Variants in BTAF1 observed in about 807,000 individuals in gnomAD.
The protein encoded by BTAF1 is TATA-binding protein-associated factor 172.
Under a neutral mutation model 227.1 loss-of-function variants are expected in BTAF1, and 38 were observed. The ratio of observed to expected loss-of-function variants is 0.17; its 90% CI spans 0.13 to 0.22. The LOEUF (loss-of-function observed/expected upper bound fraction) is 0.22. Among genes scored for constraint, BTAF1 ranks in the 10% least tolerant of loss-of-function variants. The probability of loss-of-function intolerance (pLI) is 1.00; values close to 1 mark genes in which losing one functional copy is unlikely to be tolerated. For missense variants in BTAF1, 1,598 were observed against 2,204.0 expected, an observed-to-expected ratio of 0.73 and a Z score of 5.51; for synonymous variants, 742 against 751.9, an observed-to-expected ratio of 0.99 and a Z score of 0.21.
chr10:92,004,384 T>G (rs1776206), intron 25 of BTAF1, among the ~76,000 whole-genome samples: 3 of 152,212 alleles, frequency 2.0e-5, no homozygotes, highest in African/African-American at 7.2e-5. Flanking sequence ...AAATGCACCA[T>G]TGAGCATTTC....
chr10:92,009,864 A>G (rs73314311), intron 28 of BTAF1, among the ~76,000 whole-genome samples: 1,784 of 152,298 alleles, frequency 0.012, 33 homozygotes, highest in African/African-American at 0.04. Flanking sequence ...TTTCAAGTGG[A>G]AGCTCATTGA....
intron 14 of BTAF1, among the ~76,000 whole-genome samples, chr10:91,968,173 C>G (rs1847057163): frequency 6.6e-6 from 1 of 152,036 alleles, no homozygotes; most frequent in Non-Finnish European, 1.5e-5. Context: ...TTTAACTATC[C>G]CCAAAATCCC....
In BTAF1 at chr10:92,031,185, G is replaced by A. The variant is rs924082401; in HGVS notation, c.*2252G>A. Among the ~76,000 whole-genome samples the A allele has an allele frequency of 1.4e-4, 22 of 152,294 alleles. No individual in the cohort carries two copies. Among genetic ancestry groups the A allele is most frequent in the African/African-American group, 4.6e-4 (19 of 41,570 alleles). On this transcript the variant is annotated 3_prime_UTR_variant, in exon 38 of 38. Coordinates refer to ENST00000265990, the MANE Select transcript of BTAF1 (RefSeq NM_003972.3). ...AAAAATATAGATTCAGAGATTATTA[G>A]TCTTATCATTTGGGTTTCTTGTAGG... is the stretch of plus-strand genomic sequence containing the variant.
chr10:91,946,084 T>C (rs1163895932), intron 4 of BTAF1, among the ~76,000 whole-genome samples: 1 of 152,220 alleles, frequency 6.6e-6, no homozygotes, highest in African/African-American at 2.4e-5. Flanking sequence ...ATTTGGGTTG[T>C]TTCTACCTTT....
At chr10:91,944,444 C>G (rs1281506189) in intron 4 of BTAF1, among the ~76,000 whole-genome samples, 1 of 152,118 alleles carries the variant, frequency 6.6e-6, no homozygotes, top group African/African-American at 2.4e-5. Context: ...ATGAGAGGAC[C>G]AATTTTAGGC....
chr10:91,956,850 C>T (rs1188974716), intron 7 of BTAF1, among the ~76,000 whole-genome samples, 193 bp downstream of exon 7: 3 of 152,008 alleles, frequency 2.0e-5, no homozygotes, highest in South Asian at 4.2e-4. Context: ...ATTAGCCAGA[C>T]GTGGTGGCAC....
chr10:91,976,302 A>G (rs1355447471), intron 14 of BTAF1, among the ~76,000 whole-genome samples: 1 of 152,192 alleles, frequency 6.6e-6, no homozygotes, highest in African/African-American at 2.4e-5. Flanking sequence ...GCACTCACCA[A>G]CCCATAAACC....
At position 92,008,882 on chromosome 10, in the gene BTAF1, G is replaced by T. The variant is rs368809736; in HGVS notation, c.3867G>T (p.Leu1289=). The T allele has an allele frequency of 1.2e-6, 2 of 1,613,156 alleles. No homozygotes were observed. The highest frequency in any genetic ancestry group is 3.3e-5 in the Admixed American group (2 of 59,986). Reference sequence around the variant, plus strand: ...ATAAGTATAAACTTCATGGAATTCTGTGTGATGACATGGGTTTAGGAAAAA... The same window carrying T: ...ATAAGTATAAACTTCATGGAATTCTTTGTGATGACATGGGTTTAGGAAAAA... ...FLNKYKLHGI[L]CDDMGLGKTL... The change falls in exon 27 of 38, where the codon CTG becomes CTT. Residue 1289 remains leucine (L), a synonymous_variant. Coordinates refer to ENST00000265990, the MANE Select transcript of BTAF1 (RefSeq NM_003972.3).
At chr10:91,964,034 T>G (rs2133911600) in intron 12 of BTAF1, 43 bp from the exon 13 acceptor site, 2 of 1,607,334 alleles carry the variant, frequency 1.2e-6, no homozygotes, top group Middle Eastern at 1.7e-4. Context: ...TTGTGAGTAT[T>G]TTGTGCAAAA....
chr10:92,012,092 TCCCC>T (rs1479329481), intron 30 of BTAF1, among the ~76,000 whole-genome samples: 1 of 47,344 alleles, frequency 2.1e-5, no homozygotes, highest in African/African-American at 9.1e-5. Flanking sequence ...CCTCCCTCCC[TCCCC>T]TCCCCCTCCC....
At chr10:92,013,359 C>T (rs570971701) in intron 30 of BTAF1, among the ~76,000 whole-genome samples, 1 of 152,210 alleles carries the variant, frequency 6.6e-6, no homozygotes, top group African/African-American at 2.4e-5. Flanking sequence ...TCAAAATAAT[C>T]AGAAAGTTAT....
At chr10:91,924,392 G>A (rs1019483282) in intron 1 of BTAF1, among the ~76,000 whole-genome samples, 32 of 152,070 alleles carry the variant, frequency 2.1e-4, no homozygotes, top group Admixed American at 1.5e-3. Context: ...GATTCTAGGG[G>A]AGTCTCTTAT....
chr10:91,963,502 A>G (rs535772186), intron 12 of BTAF1, among the ~76,000 whole-genome samples: 1 of 152,132 alleles, frequency 6.6e-6, no homozygotes, highest in South Asian at 2.1e-4. Context: ...TCCTAAGCTC[A>G]AGAGATCTTC....
intron 20 of BTAF1, among the ~76,000 whole-genome samples, chr10:91,990,558 G>C (rs2134017436): frequency 6.6e-6 from 1 of 152,304 alleles, no homozygotes; most frequent in African/African-American, 2.4e-5. Flanking sequence ...ACTTTGGGAG[G>C]CCGAGGCAGG....
At chr10:92,010,150 T>C (rs1180270508) in intron 28 of BTAF1, among the ~76,000 whole-genome samples, 1 of 152,098 alleles carries the variant, frequency 6.6e-6, no homozygotes, top group Non-Finnish European at 1.5e-5. Flanking sequence ...CTTTATGAGG[T>C]AGGAATACTG....
At chr10:91,942,611 C>G (rs199549229) in intron 4 of BTAF1, 43 bp downstream of exon 4, 1 of 1,599,094 alleles carries the variant, frequency 6.3e-7, no homozygotes, top group African/African-American at 1.3e-5. Flanking sequence ...TTTGTTTTTT[C>G]AGACTAATTT....
At chr10:92,018,963 T>C in intron 34 of BTAF1, 28 bp downstream of exon 34, 1 of 1,467,036 alleles carries the variant, frequency 6.8e-7, no homozygotes, top group South Asian at 1.5e-5. Context: ...GTGTTAAATG[T>C]GTGTTGTACC....
intron 1 of BTAF1, among the ~76,000 whole-genome samples, chr10:91,929,067 G>A (rs555532082): frequency 3.9e-4 from 60 of 152,192 alleles, no homozygotes; most frequent in African/African-American, 1.4e-3. Context: ...ACGTGGCTTT[G>A]CCCCTAAAGT....
intron 30 of BTAF1, among the ~76,000 whole-genome samples, chr10:92,011,974 C>T (rs1446145730): frequency 6.6e-6 from 1 of 151,790 alleles, no homozygotes; most frequent in Non-Finnish European, 1.5e-5. Context: ...GACCTTGAAT[C>T]ATTCTCAGTA....
Sources: allele counts gnomAD v4.1 joint callset (sites outside exome capture counted in the v4.1 genomes callset), GRCh38; gene constraint gnomAD v4.1.1; transcripts MANE v1.5; gene names NCBI Gene and HGNC (gene_info 2026-07-23, HGNC 2026-07-21).